The following PTPRG variants were observed in gnomAD, a reference collection of about 807,000 sequenced individuals.
PTPRG encodes the protein protein tyrosine phosphatase receptor type G.
Under a neutral mutation model 165.3 loss-of-function variants are expected in PTPRG, and 102 were observed. The ratio of observed to expected loss-of-function variants is 0.62; its 90% CI spans 0.53 to 0.73. The LOEUF (loss-of-function observed/expected upper bound fraction) is 0.73. Among genes scored for constraint, PTPRG ranks in the 30% least tolerant of loss-of-function variants. PTPRG has a pLI of 0.00. For missense variants in PTPRG, 1,866 were observed against 1,861.4 expected, an observed-to-expected ratio of 1.00 and a Z score of -0.05; for synonymous variants, 675 against 669.5, an observed-to-expected ratio of 1.01 and a Z score of -0.13.
intron 5 of PTPRG, among the ~76,000 whole-genome samples, chr3:62,086,701 C>T (rs1405935801): frequency 6.6e-6 from 1 of 152,056 alleles, no homozygotes; most frequent in Non-Finnish European, 1.5e-5. Flanking sequence ...AATCCACAAA[C>T]AAAAATTAAA....
Position 62,273,906 on chromosome 3 carries a change from TG to T in PTPRG, c.3465+67del, listed in dbSNP as rs1559744015. The stretch of plus-strand genomic sequence containing the variant: ...GAAAATGTTTTAAATGCCTTGAGTT[TG>T]GGGGTTATGTCTTCTTTGCATTAAT... On this transcript the variant is annotated intron_variant, in intron 23 of 29. Transcript: ENST00000474889. The surrounding 1 kb of genome is among the most constrained non-coding windows in gnomAD (Gnocchi z 4.1). 6.6e-7 allele frequency: 1 copy of T among 1,524,448 alleles called. No homozygotes were observed. The allele number at this position is 1,524,448 out of a possible 1,614,324, so 94.4% of individuals were successfully genotyped here. A position where few individuals can be genotyped will look rare whatever the true frequency, so the allele number is the denominator to read the frequency against.
chr3:61,833,804 G>GT (rs1559638473), intron 2 of PTPRG, among the ~76,000 whole-genome samples: 1 of 152,132 alleles, frequency 6.6e-6, no homozygotes, highest in Admixed American at 6.5e-5. Flanking sequence ...AGCTAAGGCA[G>GT]TGTGCCCGCC....
At chr3:62,116,892 C>A (rs919565005) in intron 5 of PTPRG, among the ~76,000 whole-genome samples, 22 of 152,318 alleles carry the variant, frequency 1.4e-4, no homozygotes, top group African/African-American at 4.8e-4. Context: ...TTATAAGTCA[C>A]CCAGCTTACA....
At chr3:62,201,636 T>G (rs1576127754) in intron 11 of PTPRG, 82 bp downstream of exon 11, 1 of 1,395,230 alleles carries the variant, frequency 7.2e-7, no homozygotes, top group Non-Finnish European at 1.0e-6. Flanking sequence ...GAAGTGGCAG[T>G]ATAATGTTGT....
chr3:62,063,617 GTAAAT>G (rs772170132), intron 4 of PTPRG, among the ~76,000 whole-genome samples: 1 of 152,142 alleles, frequency 6.6e-6, no homozygotes, highest in Non-Finnish European at 1.5e-5. Context: ...GCTGTGTTAA[GTAAAT>G]TAAATTCTGC....
chr3:62,231,167 T>C (rs1285792068), intron 13 of PTPRG, 58 bp from the exon 14 acceptor site: 2 of 1,312,196 alleles, frequency 1.5e-6, no homozygotes, highest in Non-Finnish European at 2.0e-6. Context: ...CAACTCTTGG[T>C]GGCCAATTGA....
intron 1 of PTPRG, among the ~76,000 whole-genome samples, chr3:61,633,840 A>T (rs1701830897): frequency 6.6e-6 from 1 of 151,694 alleles, no homozygotes; most frequent in Non-Finnish European, 1.5e-5. Flanking sequence ...GTGAGTTTCT[A>T]ATAGATACCC....
At chr3:61,806,859 T>C (rs1305851482) in intron 2 of PTPRG, among the ~76,000 whole-genome samples, 2 of 152,238 alleles carry the variant, frequency 1.3e-5, no homozygotes, top group African/African-American at 2.4e-5. Flanking sequence ...TTAGGTTTCA[T>C]ACTCCGTGGC....
chr3:62,290,896 T>C (rs1341122847), intron 28 of PTPRG, among the ~76,000 whole-genome samples: 2 of 151,882 alleles, frequency 1.3e-5, no homozygotes, highest in East Asian at 1.9e-4. Context: ...AAGCCAAAAA[T>C]AAAAGATGTA....
At chr3:62,075,032 A>G (rs2106742233) in intron 4 of PTPRG, among the ~76,000 whole-genome samples, 1 of 152,326 alleles carries the variant, frequency 6.6e-6, no homozygotes, top group Non-Finnish European at 1.5e-5. Flanking sequence ...ACAACTTGAG[A>G]AAAATAGTAA....
At chr3:61,824,683 C>G (rs1015001517) in intron 2 of PTPRG, among the ~76,000 whole-genome samples, 1 of 152,140 alleles carries the variant, frequency 6.6e-6, no homozygotes. Flanking sequence ...TGCCTGTACT[C>G]AAGAGGCTGA....
intron 1 of PTPRG, among the ~76,000 whole-genome samples, chr3:61,605,765 T>C (rs943857179): frequency 2.4e-4 from 37 of 151,890 alleles, no homozygotes; most frequent in African/African-American, 7.3e-4. Context: ...GTAGAGATGG[T>C]GTCTTGCTAC....
chr3:62,098,930 G>A (rs552404076), intron 5 of PTPRG, among the ~76,000 whole-genome samples: 2 of 152,314 alleles, frequency 1.3e-5, no homozygotes, highest in Admixed American at 6.5e-5. Context: ...GGTGTGAAGT[G>A]TAGGATGTTT....
At chr3:61,699,046 G>A (rs1210094132) in intron 1 of PTPRG, among the ~76,000 whole-genome samples, 2 of 152,068 alleles carry the variant, frequency 1.3e-5, no homozygotes, top group South Asian at 2.1e-4. Context: ...GGGAGGGATA[G>A]CATTAGGAGA....
At chr3:61,835,612 A>G (rs901973265) in intron 2 of PTPRG, among the ~76,000 whole-genome samples, 4 of 152,018 alleles carry the variant, frequency 2.6e-5, no homozygotes, top group African/African-American at 4.8e-5. Flanking sequence ...GATTATAGGC[A>G]TGAACCACCA....
At chr3:61,875,759 C>T (rs1026925061) in intron 2 of PTPRG, among the ~76,000 whole-genome samples, 2 of 152,122 alleles carry the variant, frequency 1.3e-5, no homozygotes, top group Admixed American at 6.6e-5. Flanking sequence ...AGAGATGTAA[C>T]TGGAGAACAA....
At chr3:62,098,334 G>T (rs989125281) in intron 5 of PTPRG, among the ~76,000 whole-genome samples, 1 of 152,078 alleles carries the variant, frequency 6.6e-6, no homozygotes, top group Non-Finnish European at 1.5e-5. Flanking sequence ...CATTGTATTA[G>T]GTATTATAAG....
intron 2 of PTPRG, among the ~76,000 whole-genome samples, chr3:61,933,177 T>C (rs552427234): frequency 7.2e-4 from 110 of 152,282 alleles, no homozygotes; most frequent in African/African-American, 2.5e-3. Context: ...CTGGGGTCTA[T>C]GTGGAAAGGT....
chr3:61,933,854 G>A (rs1259247402), intron 2 of PTPRG, among the ~76,000 whole-genome samples: 2 of 152,160 alleles, frequency 1.3e-5, no homozygotes, highest in African/African-American at 2.4e-5. Context: ...TATCAAACAT[G>A]TAATCAGTAG....
Sources: gnomAD v4.1 joint callset for allele counts (sites outside exome capture counted in the v4.1 genomes callset) on GRCh38, gnomAD v4.1.1 for gene constraint, Gnocchi (gnomAD v3.1) non-coding constraint, MANE v1.5 for transcripts, NCBI Gene and HGNC (gene_info 2026-07-23, HGNC 2026-07-21) for gene names.